Variants in SGSH observed in about 807,000 individuals in gnomAD.
SGSH encodes heparan sulfate sulfatase.
In SGSH, 48 loss-of-function variants were observed where a neutral mutation model predicts 51.0. The ratio of observed to expected loss-of-function variants is 0.94; its 90% confidence interval spans 0.75 to 1.20. The LOEUF (loss-of-function observed/expected upper bound fraction) is 1.20. Ranked by LOEUF, SGSH falls within the 50% of genes most tolerant of loss-of-function variation. The pLI is 0.00. For synonymous variants in SGSH, 321 were observed against 313.4 expected (o/e 1.02, Z -0.26); for missense variants, 662 against 717.8 (o/e 0.92, Z 0.89).
intron 2 of SGSH, 54 bp from the exon 3 acceptor site, chr17:80,215,192 G>A: frequency 2.2e-6 from 3 of 1,340,914 alleles, no homozygotes; most frequent in African/African-American, 1.4e-5. Flanking sequence ...GAGCCCGCCT[G>A]CCGCACCTGT....
chr17:80,205,417 GAA>G, downstream of SGSH: 9 of 1,419,568 alleles, frequency 6.3e-6, no homozygotes, highest in Non-Finnish European at 8.6e-6. Flanking sequence ...GACATCCTAA[GAA>G]GAGCTTCTCC....
At chr17:80,202,877 C>G (rs576102032), downstream of SGSH, 20 of 169,572 alleles carry the variant, frequency 1.2e-4, no homozygotes, top group African/African-American at 4.7e-4. Flanking sequence ...GCACTGAAAG[C>G]CCCACTTGCA....
At chr17:80,201,657 T>C in the SGSH span, 2 of 1,464,828 alleles carry the variant, frequency 1.4e-6, no homozygotes, top group East Asian at 2.3e-5. The surrounding 1 kb of genome is among the most constrained non-coding windows in gnomAD (Gnocchi z 5.0). Context: ...GGCCCGCGCC[T>C]CGCCTCAGTG....
chr17:80,211,963 A>G, intron 7 of SGSH, 108 bp downstream of exon 7: 6 of 885,664 alleles, frequency 6.8e-6, no homozygotes, highest in Non-Finnish European at 1.1e-5. Flanking sequence ...CACCCAGATG[A>G]TATGAGAGCC....
At chr17:80,204,369 C>T (rs780960038), downstream of SGSH, 3 of 1,524,028 alleles carry the variant, frequency 2.0e-6, no homozygotes, top group East Asian at 2.5e-5. Context: ...GGCACAGGGG[C>T]CACTGGCTCC....
chr17:80,205,051 C>T, downstream of SGSH: 6 of 1,602,258 alleles, frequency 3.7e-6, no homozygotes, highest in Non-Finnish European at 5.1e-6. Context: ...GCACGTGCTT[C>T]TGGGCCGAGA....
At position 80,215,262 on chromosome 17, in the gene SGSH, G is replaced by A. The variant is rs572322621; in HGVS notation, c.250-124C>T. 2.5e-4 allele frequency: 181 copies of A among 724,746 alleles called. No homozygotes were observed. In the African/African-American group the frequency reaches 2.7e-3, roughly 11 times the overall value. 44.9% of individuals were successfully genotyped at this position (724,746 alleles called of 1,614,324 possible). A position where few individuals can be genotyped will look rare whatever the true frequency, so the allele number is the denominator to read the frequency against. Reference sequence around the variant, plus strand: ...CGGGGCCCTGATTTAGACTTCGAGTGGCCAGCACCCAGAGACACTGGCTGT... The same window carrying A: ...CGGGGCCCTGATTTAGACTTCGAGTAGCCAGCACCCAGAGACACTGGCTGT... On this transcript the variant is annotated intron_variant, in intron 2 of 7. Transcript: ENST00000326317.
downstream of SGSH, chr17:80,204,531 G>C: frequency 1.9e-6 from 1 of 527,040 alleles, no homozygotes; most frequent in Non-Finnish European, 3.3e-6. Flanking sequence ...GGCTGAGGCA[G>C]GAGAATCGCC....
chr17:80,215,344 G>A (rs563920205), intron 2 of SGSH, among the ~76,000 whole-genome samples: 2 of 152,208 alleles, frequency 1.3e-5, no homozygotes, highest in African/African-American at 2.4e-5. Flanking sequence ...GGAGGACTTC[G>A]CCAGAAAGAA....
rs1555622928 is a variant in SGSH at position 80,217,106 on chromosome 17, G to A, written c.175C>T (p.Leu59Phe). The change falls in exon 2 of 8, where the codon CTC (leucine) becomes TTC (phenylalanine). Residue 59 changes from leucine to phenylalanine, a missense_variant. Leu to Phe is a conservative substitution (Grantham distance 22). Transcript: ENST00000326317. ...HLDALARRSL[L>F]FRNAFTSVSS... ...ACCGAGGTGAAGGCATTGCGAAAGA[G>A]GAGGCTGCGGCGGGCCAAGGCGTCC... 2 of 1,605,864 alleles carry A rather than the reference G, an allele frequency of 1.2e-6. No homozygotes were observed. Among genetic ancestry groups the A allele is most frequent in the Non-Finnish European group, 1.7e-6 (2 of 1,177,526 alleles).
Position 80,215,016 on chromosome 17 carries a change from C to T in SGSH, c.355+17G>A, listed in dbSNP as rs757635282. On this transcript the variant is annotated intron_variant, in intron 3 of 7. Transcript: ENST00000326317. ...TGTGCCTCACCCCACGCCCTGTCCT[C>T]GGCACGGGGTCCTCACCTGTGCGCA... 24 of 1,597,294 alleles carry T rather than the reference C, an allele frequency of 1.5e-5. No homozygotes were observed. The highest frequency in any genetic ancestry group is 1.6e-4 in the Middle Eastern group (1 of 6,066).
chr17:80,204,982 C>T, downstream of SGSH: 1 of 1,455,500 alleles, frequency 6.9e-7, no homozygotes. Flanking sequence ...GCAGGGTAGG[C>T]TGGCTGGGGG....
chr17:80,210,545 C>G lies in SGSH; in HGVS notation c.1416G>C (p.Gln472His), dbSNP rs1555620072. The G allele has an allele frequency of 3.7e-6, 6 of 1,612,450 alleles. No individual in the cohort carries two copies. Among genetic ancestry groups the G allele is most frequent in the Non-Finnish European group, 5.1e-6 (6 of 1,179,858 alleles). The change falls in exon 8 of 8, where the codon CAG becomes CAC. Residue 472 changes from glutamine to histidine, a missense_variant. Physicochemically the swap from Gln to His is conservative, Grantham distance 24. Transcript: ENST00000326317. ...ACACCCAGGGGTCGTGGGTCTCCCA[C>G]TGCCACTTGGCCAGCTGGTCCCGAA... ...EMLRDQLAKW[Q>H]WETHDPWVCA...
intron 2 of SGSH, 165 bp downstream of exon 2, chr17:80,216,866 CT>C (rs2041909485): frequency 1.5e-6 from 1 of 679,164 alleles, no homozygotes; most frequent in Non-Finnish European, 2.5e-6. Context: ...GTCGGAGCCC[CT>C]AGTCTGCACT....
chr17:80,219,096 G>A (rs1451662793), intron 1 of SGSH, among the ~76,000 whole-genome samples: 2 of 144,384 alleles, frequency 1.4e-5, no homozygotes, highest in South Asian at 2.2e-4. Context: ...GGAGATTGAG[G>A]CTGCAGTGAG....
At position 80,212,334 on chromosome 17, in the gene SGSH, G is replaced by T. The variant is rs2041702482; in HGVS notation, c.746-60C>A. The T allele has an allele frequency of 3.5e-6, 5 of 1,448,208 alleles. No individual in the cohort carries two copies. The Admixed American group carries it at 7.8e-5, about 23-fold the overall frequency. 89.7% of individuals were successfully genotyped at this position (1,448,208 alleles called of 1,614,324 possible). A position where few individuals can be genotyped will look rare whatever the true frequency, so the allele number is the denominator to read the frequency against. ...CAGACACGGAGGGAGGCAGCGGGTG[G>T]TGTGTGTAGACCCACCTGCTGCTGC... On this transcript the variant is annotated intron_variant, in intron 6 of 7. Transcript: ENST00000326317. The surrounding 1 kb of genome is among the most constrained non-coding windows in gnomAD (Gnocchi z 5.9).
chr17:80,219,161 C>CA (rs11430982), intron 1 of SGSH, among the ~76,000 whole-genome samples: 27,233 of 54,372 alleles, frequency 0.5, 6,004 homozygotes, highest in African/African-American at 0.55. Context: ...CCCTGTCTCA[C>CA]AAAAAAAAAA....
rs182008915 is a variant in SGSH, at chr17:80,209,702, G to A, written c.*750C>T. The stretch of plus-strand genomic sequence containing the variant: ...ACCACCCAGCAATGCCAGTGTCACC[G>A]AAGAATTAACCCAAGCCAGAGGACG... On this transcript the variant is annotated 3_prime_UTR_variant, in exon 8 of 8. Coordinates refer to ENST00000326317, the MANE Select transcript of SGSH (RefSeq NM_000199.5). 7.4e-5 allele frequency: 73 copies of A among 983,714 alleles called. No individual in the cohort carries two copies. Among genetic ancestry groups the A allele is most frequent in the East Asian group, 1.1e-4 (1 of 8,706 alleles). The allele number at this position is 983,714 out of a possible 1,614,324, so 60.9% of individuals were successfully genotyped here.
At chr17:80,215,258 G>T (rs1052394710) in intron 2 of SGSH, 120 bp from the exon 3 acceptor site, 1 of 734,720 alleles carries the variant, frequency 1.4e-6, no homozygotes. Context: ...TTTAGACTTC[G>T]AGTGGCCAGC....
Sources: allele counts gnomAD v4.1 joint callset (sites outside exome capture counted in the v4.1 genomes callset), GRCh38; gene constraint gnomAD v4.1.1; non-coding constraint Gnocchi (gnomAD v3.1); transcripts MANE v1.5; gene names NCBI Gene and HGNC (gene_info 2026-07-23, HGNC 2026-07-21).